Variants in ST3GAL1 observed in about 807,000 individuals in gnomAD.
ST3GAL1 encodes the protein ST3 beta-galactoside alpha-2,3-sialyltransferase 1, also known as CMP-N-acetylneuraminate-beta-galactosamide-alpha-2,3-sialyltransferase 1.
Under a neutral mutation model 34.1 loss-of-function variants are expected in ST3GAL1, and 16 were observed. That is an observed-to-expected ratio of 0.47 (90% CI 0.32 to 0.71). The LOEUF is 0.71. Ranked by LOEUF, ST3GAL1 falls within the 30% of genes least tolerant of loss-of-function variation. ST3GAL1 has a pLI of 0.04. For synonymous variants in ST3GAL1, 191 were observed against 184.7 expected (o/e 1.03, Z -0.28); for missense variants, 353 against 447.4 (o/e 0.79, Z 1.90).
chr8:133,563,863 G>A (rs1035385457), intron 1 of ST3GAL1, among the ~76,000 whole-genome samples: 2 of 151,994 alleles, frequency 1.3e-5, no homozygotes, highest in African/African-American at 4.8e-5. Flanking sequence ...TACTGCTAGC[G>A]CCTCTTCCTG....
At chr8:133,504,818 G>T (rs536225579) in intron 2 of ST3GAL1, among the ~76,000 whole-genome samples, 1 of 152,334 alleles carries the variant, frequency 6.6e-6, no homozygotes, top group Non-Finnish European at 1.5e-5. Context: ...AAGAGAAAAG[G>T]AATTCTAGTC....
At position 133,461,382 on chromosome 8, in the gene ST3GAL1, T is replaced by C. The variant is rs2736867; in HGVS notation, c.849+493A>G. Among the ~76,000 whole-genome samples the C allele has an allele frequency of 0.24, 36,233 of 152,068 alleles. 4,916 individuals are homozygous for C. Among genetic ancestry groups the C allele is most frequent in the Non-Finnish European group, 0.32 (21,583 of 67,952 alleles). ...ACAGCCTAGCGGACAGCGAAGGACATGGGAAGGCAAATGCATGCTTCTCGA... is the reference window on the plus strand; with the variant it reads ...ACAGCCTAGCGGACAGCGAAGGACACGGGAAGGCAAATGCATGCTTCTCGA... On this transcript the variant is annotated intron_variant, in intron 9 of 9. Coordinates refer to ENST00000522652, the MANE Select transcript of ST3GAL1 (RefSeq NM_173344.3). This position sits in a 1 kb window ranked among gnomAD's most constrained non-coding sequence, Gnocchi z 4.7.
chr8:133,557,316 G>C (rs951832920), intron 1 of ST3GAL1, among the ~76,000 whole-genome samples: 1 of 152,166 alleles, frequency 6.6e-6, no homozygotes, highest in Non-Finnish European at 1.5e-5. Flanking sequence ...TGGCACAATG[G>C]GGTCCTCATA....
chr8:133,566,539 CAGGG>C (rs1563746202), intron 1 of ST3GAL1, among the ~76,000 whole-genome samples: 1 of 152,096 alleles, frequency 6.6e-6, no homozygotes, highest in East Asian at 1.9e-4. Flanking sequence ...CCCCGCATTG[CAGGG>C]GGTGATCACC....
Position 133,556,062 on chromosome 8 carries a change from T to G in ST3GAL1, c.-581-10136A>C, listed in dbSNP as rs1441099342. Among the ~76,000 whole-genome samples, 1 of 151,974 alleles carries G rather than the reference T, an allele frequency of 6.6e-6. No individual in the cohort carries two copies. The highest frequency in any genetic ancestry group is 1.9e-4 in the East Asian group (1 of 5,176). On this transcript the variant is annotated intron_variant, in intron 1 of 9. Transcript: ENST00000522652. This position sits in a 1 kb window ranked among gnomAD's most constrained non-coding sequence, Gnocchi z 8.9. ...GCACCTGCCACCACGCCTGGCTGAT[T>G]TTTTTTGTATTTTAGTAGAGACGGG...
intron 1 of ST3GAL1, among the ~76,000 whole-genome samples, chr8:133,550,544 T>A (rs1285413034): frequency 3.9e-5 from 6 of 152,308 alleles, no homozygotes; most frequent in South Asian, 2.1e-4. Flanking sequence ...TTCTTCCTAA[T>A]ACCAGGCGAA....
At chr8:133,476,152 G>A in intron 4 of ST3GAL1, 78 bp from the exon 5 acceptor site, 1 of 1,062,532 alleles carries the variant, frequency 9.4e-7, no homozygotes, top group Non-Finnish European at 1.3e-6. Context: ...TTCCAAGGGA[G>A]GACACAAGGG....
chr8:133,569,586 A>G (rs1292483266), intron 1 of ST3GAL1, among the ~76,000 whole-genome samples: 1 of 152,144 alleles, frequency 6.6e-6, no homozygotes, highest in Middle Eastern at 3.2e-3. Flanking sequence ...CTGTACCCAG[A>G]TATTGGCAGA....
At chr8:133,474,066 C>T (rs1182310781) in intron 5 of ST3GAL1, among the ~76,000 whole-genome samples, 1 of 152,230 alleles carries the variant, frequency 6.6e-6, no homozygotes, top group African/African-American at 2.4e-5. Context: ...TCTTTGGAAG[C>T]ATAGCCCAGG....
intron 5 of ST3GAL1, among the ~76,000 whole-genome samples, chr8:133,470,065 G>A (rs1022293200): frequency 2.6e-5 from 4 of 152,136 alleles, no homozygotes; most frequent in African/African-American, 9.7e-5. Flanking sequence ...TCCATGTGGC[G>A]TCACTGTTTT....
intron 1 of ST3GAL1, among the ~76,000 whole-genome samples, chr8:133,558,034 T>C (rs1819110079): frequency 6.6e-6 from 1 of 151,860 alleles, no homozygotes; most frequent in African/African-American, 2.4e-5. Flanking sequence ...AACTTTCCCA[T>C]CCTTAAATTC....
intron 2 of ST3GAL1, among the ~76,000 whole-genome samples, chr8:133,536,759 C>T (rs773296612): frequency 2.0e-5 from 3 of 152,158 alleles, no homozygotes; most frequent in Admixed American, 6.5e-5. Flanking sequence ...TTTGAGTCCT[C>T]GTGTCATTTG....
chr8:133,501,752 A>AACAG, intron 2 of ST3GAL1, among the ~76,000 whole-genome samples: 1 of 151,456 alleles, frequency 6.6e-6, no homozygotes, highest in South Asian at 2.1e-4. Context: ...TCCGTCTCAA[A>AACAG]ACAAACAAAC....
At chr8:133,506,437 A>G (rs1406360917) in intron 2 of ST3GAL1, among the ~76,000 whole-genome samples, 1 of 152,236 alleles carries the variant, frequency 6.6e-6, no homozygotes, top group African/African-American at 2.4e-5. Context: ...CCTTTGTATT[A>G]CAGTGGGAGA....
chr8:133,519,511 A>C lies in ST3GAL1; in HGVS notation c.-428-20322T>G, dbSNP rs118098540. Among the ~76,000 whole-genome samples, 150 of 152,352 alleles carry C rather than the reference A, an allele frequency of 9.8e-4. No homozygotes were observed. In the East Asian group the frequency reaches 0.028, roughly 28 times the overall value. On this transcript the variant is annotated intron_variant, in intron 2 of 9. Coordinates refer to ENST00000522652, the MANE Select transcript of ST3GAL1 (RefSeq NM_173344.3). ...ATAAATTATGGCTCACAAAGAATTT[A>C]AAATAGCATGGGGGAAATGCTTTAT...
chr8:133,475,806 C>A lies in ST3GAL1; in HGVS notation c.219G>T (p.Trp73Cys). The part of the protein sequence containing the change: ...HCIGQRKLSA[W>C]FDERFNQTMQ... ...TGGTCTGGTTGAACCTCTCATCGAA[C>A]CAGGCCGAGAGCTTGCGCTGCCCGA... The change falls in exon 5 of 10, where the codon TGG becomes TGT. Residue 73 changes from tryptophan (W) to cysteine (C), a missense_variant. By Grantham distance (215) the Trp-to-Cys change is radical (BLOSUM62 -2). Coordinates refer to ENST00000522652, the MANE Select transcript of ST3GAL1 (RefSeq NM_173344.3). 1.2e-6 allele frequency: 2 copies of A among 1,614,104 alleles called. No homozygotes were observed. The highest frequency in any genetic ancestry group is 1.7e-6 in the Non-Finnish European group (2 of 1,180,030).
intron 2 of ST3GAL1, among the ~76,000 whole-genome samples, chr8:133,507,610 T>C (rs1435069585): frequency 2.6e-5 from 4 of 152,170 alleles, no homozygotes; most frequent in Admixed American, 2.0e-4. Context: ...TCCTGGCACA[T>C]TGTAGGGACA....
intron 6 of ST3GAL1, 89 bp downstream of exon 6, chr8:133,465,805 C>T: frequency 6.8e-7 from 1 of 1,466,644 alleles, no homozygotes; most frequent in Non-Finnish European, 9.2e-7. Flanking sequence ...TGAACCTTGC[C>T]TTCCTGAGCC....
At chr8:133,530,988 C>T (rs778274544) in intron 2 of ST3GAL1, among the ~76,000 whole-genome samples, 5 of 152,056 alleles carry the variant, frequency 3.3e-5, no homozygotes, top group African/African-American at 9.7e-5. Flanking sequence ...GGCAGGGGTC[C>T]GCAGACTCCT....
Sources: allele counts gnomAD v4.1 joint callset (sites outside exome capture counted in the v4.1 genomes callset), GRCh38; gene constraint gnomAD v4.1.1; non-coding constraint Gnocchi (gnomAD v3.1); transcripts MANE v1.5; gene names NCBI Gene and HGNC (gene_info 2026-07-23, HGNC 2026-07-21).